SLC24A3: variants seen among roughly 807,000 people sequenced by gnomAD.
The protein encoded by SLC24A3 is sodium/potassium/calcium exchanger 3.
Under a neutral mutation model 75.8 loss-of-function variants are expected in SLC24A3, and 28 were observed. That is an observed-to-expected ratio of 0.37 (90% CI 0.27 to 0.51). SLC24A3 has a LOEUF of 0.51. Ranked by LOEUF, SLC24A3 falls within the 20% of genes least tolerant of loss-of-function variation. The pLI is 0.94. For synonymous variants in SLC24A3, 372 were observed against 334.1 expected (o/e 1.11, Z -1.24); for missense variants, 663 against 847.8 (o/e 0.78, Z 2.71).
intron 1 of SLC24A3, among the ~76,000 whole-genome samples, chr20:19,270,366 C>T (rs1473888367): frequency 2.6e-5 from 4 of 152,106 alleles, no homozygotes; most frequent in African/African-American, 7.2e-5. Context: ...CATGCATGCT[C>T]TTTAGAGTTT....
At chr20:19,327,206 T>C (rs1290941011) in intron 2 of SLC24A3, among the ~76,000 whole-genome samples, 2 of 152,214 alleles carry the variant, frequency 1.3e-5, no homozygotes, top group Non-Finnish European at 2.9e-5. Flanking sequence ...GTTGAGCTTG[T>C]CCAGCTATTG....
intron 2 of SLC24A3, among the ~76,000 whole-genome samples, chr20:19,339,068 G>A (rs1163261790): frequency 6.6e-6 from 1 of 152,226 alleles, no homozygotes; most frequent in Non-Finnish European, 1.5e-5. Flanking sequence ...ATTCGGAAGA[G>A]CTGTGAACTT....
intron 1 of SLC24A3, among the ~76,000 whole-genome samples, chr20:19,215,990 T>G (rs1273738852): frequency 6.6e-6 from 1 of 152,210 alleles, no homozygotes; most frequent in Admixed American, 6.5e-5. Context: ...GGAATTTTGG[T>G]GGGCTCTTAT....
chr20:19,503,764 T>A (rs755157818), intron 2 of SLC24A3, among the ~76,000 whole-genome samples: 2 of 152,250 alleles, frequency 1.3e-5, no homozygotes, highest in Non-Finnish European at 2.9e-5. Flanking sequence ...CTTAGATATT[T>A]ATTTCATTAT....
At chr20:19,668,908 G>A (rs564282549) in intron 8 of SLC24A3, among the ~76,000 whole-genome samples, 7 of 152,286 alleles carry the variant, frequency 4.6e-5, no homozygotes, top group Admixed American at 2.6e-4. Flanking sequence ...AGTTCATATT[G>A]AAGAAAGGAA....
At chr20:19,416,600 G>T (rs912089529) in intron 2 of SLC24A3, among the ~76,000 whole-genome samples, 2 of 152,146 alleles carry the variant, frequency 1.3e-5, no homozygotes, top group Non-Finnish European at 2.9e-5. Context: ...CCCAATCAGT[G>T]CACTTCCTTG....
intron 2 of SLC24A3, among the ~76,000 whole-genome samples, chr20:19,316,476 G>A (rs1984590448): frequency 6.6e-6 from 1 of 152,232 alleles, no homozygotes; most frequent in Non-Finnish European, 1.5e-5. Context: ...CCTTTGACAG[G>A]ACAGGGTTTC....
At chr20:19,219,257 C>G (rs1460986758) in intron 1 of SLC24A3, among the ~76,000 whole-genome samples, 2 of 152,122 alleles carry the variant, frequency 1.3e-5, no homozygotes, top group Non-Finnish European at 2.9e-5. Context: ...CACACTATCC[C>G]TTATTGGTTT....
intron 1 of SLC24A3, among the ~76,000 whole-genome samples, chr20:19,260,677 C>T (rs140059641): frequency 5.6e-4 from 85 of 152,314 alleles, no homozygotes; most frequent in Non-Finnish European, 9.8e-4. Flanking sequence ...TATAGAAGAG[C>T]GTGTTTGGTT....
At chr20:19,486,137 G>A (rs1054992508) in intron 2 of SLC24A3, among the ~76,000 whole-genome samples, 7 of 152,160 alleles carry the variant, frequency 4.6e-5, no homozygotes, top group African/African-American at 1.7e-4. Flanking sequence ...CACATCCCTA[G>A]GCTTAGCAAG....
At chr20:19,378,661 G>A (rs955329708) in intron 2 of SLC24A3, among the ~76,000 whole-genome samples, 8 of 152,098 alleles carry the variant, frequency 5.3e-5, no homozygotes, top group African/African-American at 1.7e-4. Flanking sequence ...ATGAATGCAC[G>A]TGATCAAGCA....
At chr20:19,508,164 A>G (rs1366912223) in intron 2 of SLC24A3, among the ~76,000 whole-genome samples, 1 of 152,170 alleles carries the variant, frequency 6.6e-6, no homozygotes, top group Non-Finnish European at 1.5e-5. Flanking sequence ...CCCCAGGAAA[A>G]GTGGGAGCAA....
chr20:19,698,708 T>C, intron 15 of SLC24A3, 28 bp downstream of exon 15: 4 of 1,513,002 alleles, frequency 2.6e-6, no homozygotes, highest in African/African-American at 1.4e-5. Flanking sequence ...GGACTTCTCC[T>C]GAAATCCAGG....
chr20:19,239,462 G>A (rs893871473), intron 1 of SLC24A3, among the ~76,000 whole-genome samples: 3 of 152,168 alleles, frequency 2.0e-5, no homozygotes, highest in South Asian at 2.1e-4. Flanking sequence ...GGACCTGCAC[G>A]GGCAACTGGA....
rs79075793 is a variant in SLC24A3 at position 19,671,488 on chromosome 20, G to T, written c.714-2113G>T. On this transcript the variant is annotated intron_variant, in intron 8 of 16. Coordinates refer to ENST00000328041, the MANE Select transcript of SLC24A3 (RefSeq NM_020689.4). ...TAGGGAGGGCACAGTAGAGAAGAAA[G>T]AAGTCAGTGATTGATGAAATACTTG... 5.9e-3 allele frequency among the ~76,000 whole-genome samples: 902 copies of T among 152,294 alleles called. 4 individuals are homozygous for T. The highest frequency in any genetic ancestry group is 0.02 in the African/African-American group (844 of 41,550).
intron 2 of SLC24A3, among the ~76,000 whole-genome samples, chr20:19,439,512 A>G (rs1030870944): frequency 3.3e-5 from 5 of 152,182 alleles, no homozygotes; most frequent in African/African-American, 1.2e-4. Flanking sequence ...CTTGTGAATG[A>G]TTTATATCCC....
At chr20:19,655,625 A>G (rs530057205) in intron 7 of SLC24A3, among the ~76,000 whole-genome samples, 14 of 152,322 alleles carry the variant, frequency 9.2e-5, no homozygotes, top group African/African-American at 3.4e-4. Flanking sequence ...GTGAATGAGC[A>G]TGATTCAATT....
intron 2 of SLC24A3, among the ~76,000 whole-genome samples, chr20:19,445,368 A>G (rs578240842): frequency 4.6e-5 from 7 of 152,348 alleles, no homozygotes; most frequent in African/African-American, 7.2e-5. Context: ...AGCAGAATTC[A>G]TAGATATCTG....
intron 2 of SLC24A3, among the ~76,000 whole-genome samples, chr20:19,286,065 A>C (rs1983808989): frequency 6.6e-6 from 1 of 152,204 alleles, no homozygotes; most frequent in African/African-American, 2.4e-5. Flanking sequence ...CTGTGAGATC[A>C]CTGGATTTCC....
Sources: gnomAD v4.1 joint callset for allele counts (sites outside exome capture counted in the v4.1 genomes callset) on GRCh38, gnomAD v4.1.1 for gene constraint, MANE v1.5 for transcripts, NCBI Gene and HGNC (gene_info 2026-07-23, HGNC 2026-07-21) for gene names.